CWH43: variants seen among roughly 807,000 people sequenced by gnomAD.
CWH43 encodes cell wall biogenesis 43 C-terminal homolog.
CWH43 carries 91 observed loss-of-function variants against 85.7 expected under a neutral mutation model. The ratio of observed to expected loss-of-function variants is 1.06; its 90% CI spans 0.90 to 1.26. The LOEUF is 1.26. Among genes scored for constraint, CWH43 ranks in the 50% most tolerant of loss-of-function variants. The pLI is 0.00. For synonymous variants in CWH43, 323 were observed against 293.6 expected (o/e 1.10, Z -1.02); for missense variants, 869 against 839.2 (o/e 1.04, Z -0.44).
chr4:48,998,633 A>G, intron 6 of CWH43, 85 bp downstream of exon 6: 1 of 955,072 alleles, frequency 1.0e-6, no homozygotes, highest in East Asian at 2.4e-5. Flanking sequence ...GACTGAAAGT[A>G]GATACAACCA....
At chr4:49,017,148 G>A (rs1244460073) in intron 8 of CWH43, 101 bp from the exon 9 acceptor site, 1 of 955,850 alleles carries the variant, frequency 1.0e-6, no homozygotes, top group Non-Finnish European at 1.7e-6. Context: ...TTCCTGGAGG[G>A]TGCCATGGCA....
At chr4:48,998,642 C>T in intron 6 of CWH43, 94 bp downstream of exon 6, 1 of 910,176 alleles carries the variant, frequency 1.1e-6, no homozygotes, top group East Asian at 2.4e-5. Context: ...TAGATACAAC[C>T]ATACAAATAT....
intron 15 of CWH43, among the ~76,000 whole-genome samples, chr4:49,054,181 G>C (rs554461207): frequency 1.2e-3 from 176 of 152,176 alleles, no homozygotes; most frequent in Non-Finnish European, 1.7e-3. Context: ...GTTGATTTTT[G>C]TATATGGTAT....
chr4:49,037,380 C>T (rs1404219035), intron 12 of CWH43, among the ~76,000 whole-genome samples: 1 of 152,088 alleles, frequency 6.6e-6, no homozygotes, highest in Admixed American at 6.5e-5. Flanking sequence ...GACCAGCCTG[C>T]CCAACATGCA....
intron 15 of CWH43, among the ~76,000 whole-genome samples, chr4:49,054,853 C>G (rs1784902837): frequency 6.6e-6 from 1 of 151,366 alleles, no homozygotes; most frequent in Admixed American, 6.6e-5. Flanking sequence ...GCTTTTGTAT[C>G]CTGCAAATTT....
chr4:49,017,727 A>T (rs1412713113), intron 9 of CWH43, among the ~76,000 whole-genome samples: 1 of 152,134 alleles, frequency 6.6e-6, no homozygotes, highest in African/African-American at 2.4e-5. Context: ...TATCTGTTCT[A>T]CTTCTGGGGA....
intron 3 of CWH43, 121 bp downstream of exon 3, chr4:48,991,695 CT>C (rs369510468): frequency 3.2e-5 from 37 of 1,167,322 alleles, no homozygotes; most frequent in Middle Eastern, 2.8e-4. Context: ...TCAAAGTCTC[CT>C]TTTTTTTCCT....
chr4:49,005,800 C>A (rs1417307308), intron 7 of CWH43, among the ~76,000 whole-genome samples: 1 of 152,090 alleles, frequency 6.6e-6, no homozygotes, highest in African/African-American at 2.4e-5. Flanking sequence ...CTCAGCCTCC[C>A]AAGGTGCTGG....
intron 15 of CWH43, among the ~76,000 whole-genome samples, chr4:49,051,889 T>C (rs759188817): frequency 6.6e-6 from 1 of 152,162 alleles, no homozygotes; most frequent in Non-Finnish European, 1.5e-5. Flanking sequence ...GTTTTGTTTT[T>C]AAAAGAGAAA....
intron 9 of CWH43, among the ~76,000 whole-genome samples, chr4:49,021,201 T>C (rs1783742067): frequency 6.6e-6 from 1 of 152,212 alleles, no homozygotes; most frequent in South Asian, 2.1e-4. Context: ...TAGATCTAAG[T>C]CTTTGATCCA....
intron 9 of CWH43, among the ~76,000 whole-genome samples, chr4:49,025,723 C>G (rs1281688704): frequency 6.6e-6 from 1 of 152,298 alleles, no homozygotes; most frequent in Middle Eastern, 3.4e-3. Flanking sequence ...ATCTCTTGGC[C>G]ATGGATACCA....
intron 9 of CWH43, among the ~76,000 whole-genome samples, chr4:49,021,284 A>G (rs1783743654): frequency 6.6e-6 from 1 of 152,096 alleles, no homozygotes; most frequent in African/African-American, 2.4e-5. Context: ...CTTGTCAATT[A>G]TCTTAGCACT....
intron 8 of CWH43, among the ~76,000 whole-genome samples, chr4:49,010,474 C>G (rs1783319994): frequency 6.6e-6 from 1 of 152,066 alleles, no homozygotes; most frequent in African/African-American, 2.4e-5. Context: ...TCTCTATCTC[C>G]TTTCGTTCTG....
intron 2 of CWH43, among the ~76,000 whole-genome samples, chr4:48,988,972 A>T (rs7693841): frequency 6.6e-6 from 1 of 152,204 alleles, no homozygotes; most frequent in African/African-American, 2.4e-5. Flanking sequence ...CAACTGTGAC[A>T]TAACACTCAG....
intron 8 of CWH43, among the ~76,000 whole-genome samples, chr4:49,015,216 G>C (rs1232340375): frequency 6.7e-6 from 1 of 149,120 alleles, no homozygotes; most frequent in Non-Finnish European, 1.5e-5. Context: ...CTTTTTCTAG[G>C]TATGTTTTTT....
In CWH43 at chr4:49,003,903, T is replaced by A. The variant is rs746283972; in HGVS notation, c.971T>A (p.Leu324His). ...KTMTIAMIFY[L>H]LEIFFCAWCT... Reference sequence around the variant, plus strand: ...ATGACCATTGCCATGATATTTTATCTTCTAGAAATATTTTTCTGTGCCTGG... The same window carrying A: ...ATGACCATTGCCATGATATTTTATCATCTAGAAATATTTTTCTGTGCCTGG... Residue 324 changes from leucine to histidine, a missense_variant, in exon 7 of 16, where the codon CTT (leucine) becomes CAT (histidine). Around this residue, in one of 3 missense-constraint regions of CWH43, gnomAD observed 577 missense variants for 513.1 expected, o/e 1.12. Transcript: ENST00000226432. The A allele has an allele frequency of 1.9e-6, 3 of 1,613,938 alleles. No homozygotes were observed. The highest frequency in any genetic ancestry group is 2.5e-6 in the Non-Finnish European group (3 of 1,179,876).
At chr4:49,016,509 G>A (rs552827081) in intron 8 of CWH43, among the ~76,000 whole-genome samples, 33 of 152,230 alleles carry the variant, frequency 2.2e-4, no homozygotes, top group Admixed American at 9.8e-4. Context: ...CCTTGGTGAC[G>A]TTTAGTTCCA....
At chr4:49,019,932 A>G (rs1010304315) in intron 9 of CWH43, among the ~76,000 whole-genome samples, 5 of 152,064 alleles carry the variant, frequency 3.3e-5, no homozygotes, top group African/African-American at 1.2e-4. Context: ...TAAGTTCTTT[A>G]GAGGTGATTT....
Position 49,061,999 on chromosome 4 carries a change from T to G in CWH43, c.*109T>G, listed in dbSNP as rs893988354. 5.6e-5 allele frequency: 47 copies of G among 843,566 alleles called. 1 individual carries two copies. The highest frequency in any genetic ancestry group is 7.2e-5 in the Non-Finnish European group (45 of 629,126). The allele number at this position is 843,566 out of a possible 1,614,324, so 52.3% of individuals were successfully genotyped here. ...GAAAATACACATGAAGAACCTCAAC[T>G]TAAAAAACACATGGTATCTATGCAG... On this transcript the variant is annotated 3_prime_UTR_variant, in exon 16 of 16. Transcript: ENST00000226432.
Sources: allele counts gnomAD v4.1 joint callset (sites outside exome capture counted in the v4.1 genomes callset), GRCh38; gene constraint gnomAD v4.1.1; regional missense constraint gnomAD v4.1.1; transcripts MANE v1.5; gene names NCBI Gene and HGNC (gene_info 2026-07-23, HGNC 2026-07-21).